Variants in PRPF3 observed in about 807,000 individuals in gnomAD.
The protein encoded by PRPF3 is U4/U6 small nuclear ribonucleoprotein Prp3.
PRPF3 carries 3 observed loss-of-function variants against 89.2 expected under a neutral mutation model. The ratio of observed to expected loss-of-function variants is 0.03; its 90% CI spans 0.02 to 0.09. The LOEUF is 0.09. PRPF3 is among the 10% of genes least tolerant of loss of function. The pLI, the probability that PRPF3 is intolerant of heterozygous loss-of-function variation, is 1.00. For missense variants in PRPF3, 463 were observed against 828.8 expected (o/e 0.56, Z 5.42); for synonymous variants, 270 against 289.1 (o/e 0.93, Z 0.67).
chr1:150,332,310 G>A (rs1260405), intron 4 of PRPF3, among the ~76,000 whole-genome samples: 104,035 of 151,860 alleles, frequency 0.69, 36,672 homozygotes, highest in African/African-American at 0.85. Flanking sequence ...CACTAGACCT[G>A]TAAGGTAGGT....
Position 150,325,752 on chromosome 1 carries a change from T to C in PRPF3, c.147T>C (p.Asp49=). The change falls in exon 3 of 16, where the codon GAT becomes GAC. Residue 49 remains aspartate (D), a splice_region_variant and synonymous_variant. Coordinates refer to ENST00000324862, the MANE Select transcript of PRPF3 (RefSeq NM_004698.4). ...GKGMDKKKAA[D]HLKPFLDDST... Reference sequence around the variant, plus strand: ...TACCACCGCCTTTCTTCCTGTCAGATCATCTGAAACCTTTTCTTGATGATT... The same window carrying C: ...TACCACCGCCTTTCTTCCTGTCAGACCATCTGAAACCTTTTCTTGATGATT... 6.2e-7 allele frequency: 1 copy of C among 1,612,530 alleles called. No homozygotes were observed. Among genetic ancestry groups the C allele is most frequent in the South Asian group, 1.1e-5 (1 of 91,002 alleles).
intron 1 of PRPF3, among the ~76,000 whole-genome samples, chr1:150,322,128 A>T (rs1209618864): frequency 1.3e-5 from 2 of 152,168 alleles, no homozygotes; most frequent in African/African-American, 4.8e-5. Flanking sequence ...TTTGCACGTC[A>T]TCTTATGGAG....
chr1:150,337,493 A>C (rs1572236108), intron 7 of PRPF3, among the ~76,000 whole-genome samples: 1 of 152,060 alleles, frequency 6.6e-6, no homozygotes, highest in East Asian at 1.9e-4. Flanking sequence ...TTGTTGCGTT[A>C]GGTGTAAAGA....
intron 15 of PRPF3, among the ~76,000 whole-genome samples, chr1:150,351,223 CCATTGCA>C: frequency 6.6e-6 from 1 of 152,246 alleles, no homozygotes; most frequent in South Asian, 2.1e-4. Context: ...CGAGATCGCA[CCATTGCA>C]CTCCAGCCTG....
chr1:150,345,802 G>T (rs1553872765), intron 12 of PRPF3: 3 of 578,992 alleles, frequency 5.2e-6, no homozygotes, highest in Non-Finnish European at 9.3e-6. Flanking sequence ...TAATGTAATG[G>T]TTAATGTAAA....
chr1:150,352,228 C>G (rs1479746137), intron 15 of PRPF3, among the ~76,000 whole-genome samples: 2 of 152,116 alleles, frequency 1.3e-5, no homozygotes, highest in Non-Finnish European at 2.9e-5. Flanking sequence ...TCCTTAAGGC[C>G]TGGTAGGAGA....
intron 3 of PRPF3, chr1:150,327,977 G>A (rs188194051): frequency 8.9e-6 from 3 of 335,328 alleles, no homozygotes; most frequent in South Asian, 2.9e-5. Context: ...TTATAATGAG[G>A]AAAACTTCTT....
In PRPF3 at chr1:150,338,317, G is replaced by A; in HGVS notation, c.1193G>A (p.Gly398Asp). ...EWWDSYIIPN[G>D]FDLTEENPKR... ...TGGGACTCTTACATAATCCCCAATG[G>A]CTTTGATCTGTGAGTTTGTTTTAGT... Residue 398 changes from glycine to aspartate, a missense_variant, in exon 8 of 16, where the codon GGC (glycine) becomes GAC (aspartate). By Grantham distance (94) the Gly-to-Asp change is moderately conservative (BLOSUM62 -1). Around this residue, in one of 8 missense-constraint regions of PRPF3, gnomAD observed 261 missense variants for 475.8 expected, o/e 0.55. Coordinates refer to ENST00000324862, the MANE Select transcript of PRPF3 (RefSeq NM_004698.4). 6.2e-7 allele frequency: 1 copy of A among 1,613,926 alleles called. No homozygotes were observed. The highest frequency in any genetic ancestry group is 1.1e-5 in the South Asian group (1 of 91,082).
At chr1:150,344,660 CTT>C (rs1162275178) in intron 12 of PRPF3, 113 bp downstream of exon 12, 1 of 1,115,762 alleles carries the variant, frequency 9.0e-7, no homozygotes. Context: ...TTCCTACTCT[CTT>C]TTAATGACCC....
At chr1:150,338,671 T>C (rs1657322044) in intron 8 of PRPF3, among the ~76,000 whole-genome samples, 1 of 152,080 alleles carries the variant, frequency 6.6e-6, no homozygotes, top group African/African-American at 2.4e-5. Flanking sequence ...TGTGCCACCA[T>C]GCCCATCTGC....
At chr1:150,328,506 T>G in intron 4 of PRPF3, 40 bp downstream of exon 4, 1 of 1,598,126 alleles carries the variant, frequency 6.3e-7, no homozygotes, top group Non-Finnish European at 8.5e-7. Context: ...GTTTTGTGAG[T>G]TGAAGAAGCA....
intron 15 of PRPF3, among the ~76,000 whole-genome samples, chr1:150,351,361 T>C (rs998039514): frequency 4.6e-5 from 7 of 152,018 alleles, no homozygotes; most frequent in Admixed American, 2.6e-4. Flanking sequence ...AATCAAAAAA[T>C]AAAAATTAAA....
chr1:150,343,828 C>T (rs1353204536), intron 10 of PRPF3, among the ~76,000 whole-genome samples: 1 of 152,168 alleles, frequency 6.6e-6, no homozygotes, highest in Non-Finnish European at 1.5e-5. Context: ...GTTACATTCT[C>T]GTTCAGCAGT....
rs1246574143 is a variant in PRPF3 at position 150,335,155 on chromosome 1, A to C, written c.949A>C (p.Ile317Leu). Residue 317 changes from isoleucine to leucine, a missense_variant, in exon 7 of 16, where the codon ATT becomes CTT. Physicochemically the swap from Ile to Leu is conservative, Grantham distance 5. Around this residue, in one of 8 missense-constraint regions of PRPF3, gnomAD observed 261 missense variants for 475.8 expected, o/e 0.55. Transcript: ENST00000324862. ...SNTFFDPRVS[I>L]APSQRQRRTF... The stretch of plus-strand genomic sequence containing the variant: ...TACCTTTTTTGACCCCCGAGTCTCC[A>C]TTGCCCCTTCCCAGCGCCAGAGACG... 1 of 1,614,102 alleles carries C rather than the reference A, an allele frequency of 6.2e-7. No homozygotes were observed. Among genetic ancestry groups the C allele is most frequent in the African/African-American group, 1.3e-5 (1 of 75,040 alleles).
intron 14 of PRPF3, among the ~76,000 whole-genome samples, chr1:150,347,870 G>T (rs587688190): frequency 1.3e-5 from 2 of 152,252 alleles, no homozygotes; most frequent in South Asian, 4.1e-4. Context: ...TCTCATGTAA[G>T]AGTATTTTAC....
chr1:150,338,984 T>C (rs1002161179), intron 8 of PRPF3, among the ~76,000 whole-genome samples: 5 of 152,152 alleles, frequency 3.3e-5, no homozygotes, highest in Non-Finnish European at 5.9e-5. Context: ...TTACATTCTT[T>C]TGCTACGTAT....
At chr1:150,325,168 G>T in intron 2 of PRPF3, 81 bp downstream of exon 2, 1 of 1,517,540 alleles carries the variant, frequency 6.6e-7, no homozygotes, top group Non-Finnish European at 9.0e-7. Flanking sequence ...AATTCTCTCT[G>T]TTGGGAACAT....
At chr1:150,341,422 TGAG>T in intron 9 of PRPF3, among the ~76,000 whole-genome samples, 1 of 149,366 alleles carries the variant, frequency 6.7e-6, no homozygotes, top group Non-Finnish European at 1.5e-5. Flanking sequence ...TTTTTTTTTT[TGAG>T]GAGGAGTTTC....
rs587771030 is a variant in PRPF3, at chr1:150,332,148, C to T, written c.424-536C>T. ...CTGAGGCAGGAGAATGGCATGAACC[C>T]GGGAGGCAGAGCTTGCAGTGAGCCA... On this transcript the variant is annotated intron_variant, in intron 4 of 15. Transcript: ENST00000324862. Among the ~76,000 whole-genome samples the T allele has an allele frequency of 5.3e-5, 8 of 151,490 alleles. No individual in the cohort carries two copies. In the South Asian group the frequency reaches 8.4e-4, roughly 16 times the overall value.
Sources: gnomAD v4.1 joint callset for allele counts (sites outside exome capture counted in the v4.1 genomes callset) on GRCh38, gnomAD v4.1.1 for gene constraint, gnomAD v4.1.1 regional missense constraint, MANE v1.5 for transcripts, NCBI Gene and HGNC (gene_info 2026-07-23, HGNC 2026-07-21) for gene names.